Variants in COL21A1 observed in about 807,000 individuals in gnomAD.
COL21A1 encodes the protein collagen alpha-1(XXI) chain.
COL21A1 carries 149 observed loss-of-function variants against 137.9 expected under a neutral mutation model. That is an observed-to-expected ratio of 1.08 (90% CI 0.95 to 1.24). COL21A1 has a LOEUF of 1.24. Among genes scored for constraint, COL21A1 ranks in the 50% most tolerant of loss-of-function variants. The pLI is 0.00. For synonymous variants in COL21A1, 456 were observed against 391.5 expected, an observed-to-expected ratio of 1.16 and a Z score of -1.95; for missense variants, 1,167 against 1,158.4, an observed-to-expected ratio of 1.01 and a Z score of -0.11.
At chr6:56,202,132 A>T (rs981797192) in intron 1 of COL21A1, among the ~76,000 whole-genome samples, 2 of 152,150 alleles carry the variant, frequency 1.3e-5, no homozygotes, top group African/African-American at 4.8e-5. Context: ...TAGATGATCA[A>T]GACTGAAGTT....
chr6:56,133,574 T>C (rs1379515391), intron 12 of COL21A1, among the ~76,000 whole-genome samples: 1 of 152,204 alleles, frequency 6.6e-6, no homozygotes, highest in East Asian at 1.9e-4. Flanking sequence ...AGCAGCTGAA[T>C]GTTAATCTCC....
At chr6:56,140,993 C>A (rs182914498) in intron 12 of COL21A1, among the ~76,000 whole-genome samples, 5 of 152,174 alleles carry the variant, frequency 3.3e-5, no homozygotes, top group Admixed American at 3.3e-4. Flanking sequence ...TATAGTTATT[C>A]TTTTATTTTA....
At chr6:56,353,757 C>A (rs1267211421) in intron 1 of COL21A1, among the ~76,000 whole-genome samples, 2 of 151,780 alleles carry the variant, frequency 1.3e-5, no homozygotes, top group South Asian at 2.1e-4. Context: ...AGACAAAGAC[C>A]AAAATCATCA....
intron 1 of COL21A1, among the ~76,000 whole-genome samples, chr6:56,263,214 T>A (rs185450342): frequency 1.3e-5 from 2 of 152,310 alleles, no homozygotes; most frequent in African/African-American, 4.8e-5. Flanking sequence ...AATAAGTGCA[T>A]CAATGAATAA....
intron 10 of COL21A1, among the ~76,000 whole-genome samples, chr6:56,144,595 C>A (rs185740405): frequency 6.6e-6 from 1 of 152,286 alleles, no homozygotes; most frequent in Admixed American, 6.5e-5. Context: ...ATTAATCTTT[C>A]ATAAAAGATC....
intron 12 of COL21A1, among the ~76,000 whole-genome samples, chr6:56,128,762 C>A (rs1773257142): frequency 6.6e-6 from 1 of 152,194 alleles, no homozygotes; most frequent in African/African-American, 2.4e-5. Context: ...TCAGGTGATT[C>A]TCCTGCCTCA....
In COL21A1 at chr6:56,077,911, G is replaced by C. The variant is rs151096481; in HGVS notation, c.1813-338C>G. On this transcript the variant is annotated intron_variant, in intron 17 of 29. Coordinates refer to ENST00000244728, the MANE Select transcript of COL21A1 (RefSeq NM_030820.4). ...TCTTGTATTCTAATGAATCATGCAA[G>C]AAAATCTGTTAAATGATATAAGTTC... The C allele has an allele frequency of 9.0e-5, 33 of 366,086 alleles. 1 individual carries two copies. The East Asian group carries it at 2.1e-3, about 24-fold the overall frequency. 22.7% of individuals were successfully genotyped at this position (366,086 alleles called of 1,614,324 possible).
At chr6:56,105,940 A>G (rs1375892350) in intron 16 of COL21A1, among the ~76,000 whole-genome samples, 1 of 152,158 alleles carries the variant, frequency 6.6e-6, no homozygotes, top group Admixed American at 6.5e-5. Flanking sequence ...CTCTGCATCC[A>G]CCATACTGGT....
intron 1 of COL21A1, among the ~76,000 whole-genome samples, chr6:56,231,677 A>T (rs16887709): frequency 0.019 from 2,861 of 151,968 alleles, 54 homozygotes; most frequent in African/African-American, 0.044. Context: ...CTGCAAAAAA[A>T]GTCATTCAGT....
At chr6:56,303,038 G>T (rs569155291) in intron 1 of COL21A1, among the ~76,000 whole-genome samples, 2 of 152,054 alleles carry the variant, frequency 1.3e-5, no homozygotes, top group East Asian at 3.9e-4. Context: ...TCAGATAGTT[G>T]TAGATACGTG....
At chr6:56,301,363 T>C (rs1764274989) in intron 1 of COL21A1, among the ~76,000 whole-genome samples, 1 of 152,164 alleles carries the variant, frequency 6.6e-6, no homozygotes, top group Non-Finnish European at 1.5e-5. Flanking sequence ...GCAGGCATTC[T>C]CTAGAAGCTG....
intron 23 of COL21A1, among the ~76,000 whole-genome samples, chr6:56,065,256 A>T (rs761970881): frequency 3.0e-4 from 46 of 152,208 alleles, no homozygotes; most frequent in Admixed American, 4.6e-4. Flanking sequence ...GTTTCTAGGA[A>T]GACATACACC....
intron 1 of COL21A1, among the ~76,000 whole-genome samples, chr6:56,209,808 T>C (rs1780040760): frequency 6.6e-6 from 1 of 152,184 alleles, no homozygotes; most frequent in African/African-American, 2.4e-5. Context: ...ATCATTCTAC[T>C]ATAAAGACTC....
At chr6:56,361,831 T>C (rs1241887154) in intron 1 of COL21A1, among the ~76,000 whole-genome samples, 1 of 152,150 alleles carries the variant, frequency 6.6e-6, no homozygotes, top group African/African-American at 2.4e-5. Context: ...AGGCAACCAA[T>C]ATCTCTTTAA....
In COL21A1 at chr6:56,360,000, A is replaced by T. The variant is rs561617150; in HGVS notation, c.-39+33971T>A. On this transcript the variant is annotated intron_variant, in intron 1 of 28. Transcript: ENST00000370819. ...GAATAATCGTATTTGCACTGCAAAT[A>T]ATCACATAAATGAACATTTCTATTG... Among the ~76,000 whole-genome samples the T allele has an allele frequency of 4.5e-4, 68 of 152,362 alleles. No homozygotes were observed. In the South Asian group the frequency reaches 5.6e-3, roughly 13 times the overall value.
At chr6:56,205,069 C>T (rs189467279) in intron 1 of COL21A1, among the ~76,000 whole-genome samples, 103 of 152,222 alleles carry the variant, frequency 6.8e-4, no homozygotes, top group African/African-American at 1.8e-3. Flanking sequence ...AAAACCAGAA[C>T]ACCTCTTCTC....
At position 56,081,347 on chromosome 6, in the gene COL21A1, C is replaced by T. The variant is rs190963941; in HGVS notation, c.1813-3774G>A. Reference sequence around the variant, plus strand: ...ATGATGCTAGCAATCTAAAGTCCCCCACTCGGGGACGCCAACAAGTCGGCA... The same window carrying T: ...ATGATGCTAGCAATCTAAAGTCCCCTACTCGGGGACGCCAACAAGTCGGCA... On this transcript the variant is annotated intron_variant, in intron 17 of 29. Transcript: ENST00000244728. Among the ~76,000 whole-genome samples, 4 of 151,750 alleles carry T rather than the reference C, an allele frequency of 2.6e-5. No homozygotes were observed. The East Asian group carries it at 7.8e-4, about 29-fold the overall frequency.
intron 1 of COL21A1, among the ~76,000 whole-genome samples, chr6:56,336,840 C>T (rs902529572): frequency 7.9e-5 from 12 of 152,182 alleles, no homozygotes; most frequent in South Asian, 2.1e-4. Flanking sequence ...AAAAGAAATA[C>T]GTCAAACCAG....
chr6:56,210,514 C>T (rs1780090480), intron 1 of COL21A1, among the ~76,000 whole-genome samples: 1 of 152,050 alleles, frequency 6.6e-6, no homozygotes, highest in South Asian at 2.1e-4. Flanking sequence ...GCAAGGACTA[C>T]CAGTGGCTGC....
Sources: allele counts gnomAD v4.1 joint callset (sites outside exome capture counted in the v4.1 genomes callset), GRCh38; gene constraint gnomAD v4.1.1; transcripts MANE v1.5; gene names NCBI Gene and HGNC (gene_info 2026-07-23, HGNC 2026-07-21).